Variants in GNAL observed in about 807,000 individuals in gnomAD.
GNAL encodes guanine nucleotide-binding protein G(olf) subunit alpha.
GNAL carries 18 observed loss-of-function variants against 55.1 expected under a neutral mutation model. The ratio of observed to expected loss-of-function variants is 0.33; its 90% CI spans 0.23 to 0.48. The LOEUF (loss-of-function observed/expected upper bound fraction) is 0.48. GNAL is among the 20% of genes least tolerant of loss of function. The pLI, the probability that GNAL is intolerant of heterozygous loss-of-function variation, is 0.99. For missense variants in GNAL, 412 were observed against 614.1 expected (o/e 0.67, Z 3.48); for synonymous variants, 253 against 237.0 (o/e 1.07, Z -0.62).
At chr18:11,766,071 C>T (rs1295557331) in intron 4 of GNAL, among the ~76,000 whole-genome samples, 2 of 152,164 alleles carry the variant, frequency 1.3e-5, no homozygotes, top group African/African-American at 4.8e-5. Context: ...GTAGAAGGAG[C>T]AGAGCGAGGA....
At chr18:11,775,547 C>G (rs1441159742) in intron 4 of GNAL, among the ~76,000 whole-genome samples, 2 of 152,234 alleles carry the variant, frequency 1.3e-5, no homozygotes, top group Non-Finnish European at 2.9e-5. Flanking sequence ...GCCACAATGT[C>G]TAAGCCCTAC....
chr18:11,877,119 T>G (rs936797554), intron 11 of GNAL, among the ~76,000 whole-genome samples: 1 of 152,224 alleles, frequency 6.6e-6, no homozygotes, highest in Non-Finnish European at 1.5e-5. Flanking sequence ...TTGAGATTAT[T>G]TCAAACTTAC....
intron 4 of GNAL, among the ~76,000 whole-genome samples, chr18:11,770,743 G>C (rs1403599589): frequency 6.6e-6 from 1 of 151,870 alleles, no homozygotes; most frequent in Non-Finnish European, 1.5e-5. Flanking sequence ...CTAAATTTTA[G>C]ATATTATGTA....
chr18:11,755,306 GTCTC>G (rs771191304), intron 4 of GNAL, among the ~76,000 whole-genome samples: 10 of 152,100 alleles, frequency 6.6e-5, no homozygotes, highest in Admixed American at 5.9e-4. Context: ...TTGAGATGGA[GTCTC>G]TCTCTGTCGT....
chr18:11,847,494 C>T (rs1467781514), intron 5 of GNAL, among the ~76,000 whole-genome samples: 1 of 151,330 alleles, frequency 6.6e-6, no homozygotes, highest in Non-Finnish European at 1.5e-5. Flanking sequence ...ATTTTAACCA[C>T]TTGTATTATT....
At chr18:11,764,682 T>A (rs1007911533) in intron 4 of GNAL, among the ~76,000 whole-genome samples, 5 of 151,896 alleles carry the variant, frequency 3.3e-5, no homozygotes, top group African/African-American at 1.2e-4. Flanking sequence ...CCACCTGAAA[T>A]AGCAACTCCC....
chr18:11,750,865 T>C (rs1426132959), intron 1 of GNAL, among the ~76,000 whole-genome samples: 3 of 152,052 alleles, frequency 2.0e-5, no homozygotes, highest in Non-Finnish European at 2.9e-5. Context: ...GTTCGCTTGC[T>C]TGAGGGAAAC....
At chr18:11,723,968 T>C (rs2032155460) in intron 1 of GNAL, among the ~76,000 whole-genome samples, 1 of 152,236 alleles carries the variant, frequency 6.6e-6, no homozygotes, top group Non-Finnish European at 1.5e-5. Context: ...AAGGGGGTCG[T>C]ACCCTCTAGG....
intron 5 of GNAL, among the ~76,000 whole-genome samples, chr18:11,856,661 C>T (rs1598432311): frequency 6.6e-6 from 1 of 152,158 alleles, no homozygotes; most frequent in Middle Eastern, 3.4e-3. Context: ...CGTGGTGGCT[C>T]ACACCTGTAA....
At chr18:11,769,034 A>G (rs2033533076) in intron 4 of GNAL, among the ~76,000 whole-genome samples, 2 of 75,172 alleles carry the variant, frequency 2.7e-5, no homozygotes, top group East Asian at 4.2e-4. Context: ...AATATATTAT[A>G]TATAATATAT....
At chr18:11,873,077 G>A (rs112188742) in intron 10 of GNAL, among the ~76,000 whole-genome samples, 133 of 152,350 alleles carry the variant, frequency 8.7e-4, no homozygotes, top group South Asian at 4.8e-3. Context: ...TCCGTTTCCA[G>A]TCGCTTACAC....
chr18:11,752,216 C>T lies in GNAL; in HGVS notation c.377-637C>T, dbSNP rs2032867990. ...TCTCGTGTAAAAAGGCATTTTACTC[C>T]GCGCGTCTTCCTTACAGCCATTTAG... On this transcript the variant is annotated intron_variant, in intron 1 of 11. Transcript: ENST00000334049. This position sits in a 1 kb window ranked among gnomAD's most constrained non-coding sequence, Gnocchi z 4.5. 1.1e-5 allele frequency: 9 copies of T among 841,392 alleles called. No homozygotes were observed. Among genetic ancestry groups the T allele is most frequent in the South Asian group, 2.8e-5 (1 of 35,240 alleles). The allele number at this position is 841,392 out of a possible 1,614,324, so 52.1% of individuals were successfully genotyped here.
chr18:11,856,500 C>T (rs1444223165), intron 5 of GNAL, among the ~76,000 whole-genome samples: 1 of 151,350 alleles, frequency 6.6e-6, no homozygotes, highest in Admixed American at 6.6e-5. Flanking sequence ...CAAGTATGGA[C>T]ACTCAAGAGC....
chr18:11,695,589 A>C (rs1228334557), intron 1 of GNAL, among the ~76,000 whole-genome samples: 5 of 152,192 alleles, frequency 3.3e-5, no homozygotes, highest in African/African-American at 7.2e-5. Flanking sequence ...TCTTTCATTG[A>C]CTGTGTTCAC....
At chr18:11,764,605 G>T (rs1365785428) in intron 4 of GNAL, among the ~76,000 whole-genome samples, 2 of 152,152 alleles carry the variant, frequency 1.3e-5, no homozygotes, top group Non-Finnish European at 2.9e-5. Flanking sequence ...CCAGGAGTTT[G>T]AGAGACAAGC....
intron 1 of GNAL, among the ~76,000 whole-genome samples, chr18:11,711,725 G>C (rs911166816): frequency 1.3e-5 from 2 of 151,886 alleles, no homozygotes; most frequent in Non-Finnish European, 2.9e-5. Context: ...ATTTCTTTAG[G>C]GTAGGTTACT....
chr18:11,844,439 T>C (rs2035687421), intron 5 of GNAL, among the ~76,000 whole-genome samples: 1 of 152,010 alleles, frequency 6.6e-6, no homozygotes, highest in African/African-American at 2.4e-5. Context: ...TATCTCAAAA[T>C]AAATAAATAA....
At position 11,716,597 on chromosome 18, in the gene GNAL, T is replaced by G. The variant is rs192611462; in HGVS notation, c.376+26658T>G. Among the ~76,000 whole-genome samples the G allele has an allele frequency of 1.3e-4, 20 of 152,244 alleles. No homozygotes were observed. In the East Asian group the frequency reaches 3.9e-3, roughly 29 times the overall value. ...TGGTCTGTTTTGACTGGGTGCTGAT[T>G]GGTGCATTTACAATCCCTGAGCTAG... On this transcript the variant is annotated intron_variant, in intron 1 of 11. Coordinates refer to ENST00000334049, the MANE Select transcript of GNAL (RefSeq NM_182978.4).
intron 1 of GNAL, among the ~76,000 whole-genome samples, chr18:11,742,008 C>T (rs893476782): frequency 1.1e-4 from 16 of 152,208 alleles, no homozygotes; most frequent in African/African-American, 3.6e-4. Flanking sequence ...TCTCTGTACC[C>T]GTTAAACACT....
Sources: allele counts gnomAD v4.1 joint callset (sites outside exome capture counted in the v4.1 genomes callset), GRCh38; gene constraint gnomAD v4.1.1; non-coding constraint Gnocchi (gnomAD v3.1); transcripts MANE v1.5; gene names NCBI Gene and HGNC (gene_info 2026-07-23, HGNC 2026-07-21).